Variants in FAM83E observed in about 807,000 individuals in gnomAD.
The protein encoded by FAM83E is protein FAM83E.
A neutral mutation model predicts 34.3 loss-of-function variants in FAM83E; 29 were observed. The observed-to-expected ratio is 0.85, with a 90% confidence interval of 0.63 to 1.15. The LOEUF (loss-of-function observed/expected upper bound fraction) is 1.15. FAM83E is among the 50% of genes most tolerant of loss of function. The pLI is 0.00. For missense variants in FAM83E, 697 were observed against 685.0 expected (o/e 1.02, Z -0.20); for synonymous variants, 312 against 311.6 (o/e 1.00, Z -0.01).
chr19:48,608,064 G>A (rs1973968255), intron 5 of FAM83E, among the ~76,000 whole-genome samples: 1 of 152,192 alleles, frequency 6.6e-6, no homozygotes, highest in African/African-American at 2.4e-5. Flanking sequence ...CTCAGGTCCT[G>A]TTCCAGGCAC....
At position 48,614,927 on chromosome 19, in the gene FAM83E, C is replaced by A; in HGVS notation, c.-1388+10G>T. On this transcript the variant is annotated intron_variant, in intron 1 of 6. Transcript: ENST00000263266. ...GAGGTCCGGGGGTGCGGCTCACACG[C>A]TTTCTTTACCTGTGCTCTCCCAGGG... 2.9e-6 allele frequency: 1 copy of A among 342,966 alleles called. No individual in the cohort carries two copies. Among genetic ancestry groups the A allele is most frequent in the Non-Finnish European group, 4.1e-6 (1 of 242,112 alleles). 21.2% of individuals were successfully genotyped at this position (342,966 alleles called of 1,614,324 possible). A position where few individuals can be genotyped will look rare whatever the true frequency, so the allele number is the denominator to read the frequency against.
At position 48,603,679 on chromosome 19, in the gene FAM83E, G is replaced by A; in HGVS notation, c.991C>T (p.Pro331Ser). Residue 331 changes from proline (P) to serine (S), a missense_variant, in exon 6 of 7, where the codon CCG becomes TCG. Transcript: ENST00000263266. ...APASPPPPDG[P>S]LAHRLAACRV... ...CAGGCGGCCAGGCGGTGGGCCAGCG[G>A]GCCGTCAGGCGGCGGAGGCGACGCG... The A allele has an allele frequency of 1.5e-6, 2 of 1,294,822 alleles. No homozygotes were observed. Among genetic ancestry groups the A allele is most frequent in the Non-Finnish European group, 2.0e-6 (2 of 1,018,942 alleles). The allele number at this position is 1,294,822 out of a possible 1,614,324, so 80.2% of individuals were successfully genotyped here.
Position 48,613,342 on chromosome 19 carries a change from C to T in FAM83E, c.31G>A (p.Gly11Arg). The change falls in exon 3 of 7, where the codon GGA (glycine) becomes AGA (arginine). Residue 11 changes from glycine to arginine, a missense_variant. Gly to Arg is a moderately radical substitution (Grantham distance 125). Coordinates refer to ENST00000263266, the MANE Select transcript of FAM83E (RefSeq NM_017708.4). MAASQLAALEGVDSGPRVPGA... is the reference protein window; with the variant it reads MAASQLAALERVDSGPRVPGA... The stretch of plus-strand genomic sequence containing the variant: ...GGCACCCTGGGACCGGAGTCCACTC[C>T]TTCCAGCGCCGCCAGCTGGGAGGCC... The T allele has an allele frequency of 6.3e-7, 1 of 1,577,672 alleles. No homozygotes were observed. The highest frequency in any genetic ancestry group is 2.3e-5 in the East Asian group (1 of 43,862).
At chr19:48,604,719 C>A (rs1365386680) in intron 5 of FAM83E, among the ~76,000 whole-genome samples, 1 of 142,402 alleles carries the variant, frequency 7.0e-6, no homozygotes, top group Non-Finnish European at 1.6e-5. Flanking sequence ...GTCCCCCTCG[C>A]CCCCCTCCCA....
Position 48,601,101 on chromosome 19 carries a change from G to A in FAM83E, c.*8C>T, listed in dbSNP as rs764874996. 19 of 1,603,596 alleles carry A rather than the reference G, an allele frequency of 1.2e-5. 1 individual carries two copies. The highest frequency in any genetic ancestry group is 1.7e-4 in the Middle Eastern group (1 of 6,012). ...GGGTGGGCCAGCAGATTTGGCTTGGGCTCCTGTTCAGGGTTGCCCCCCAAG... is the reference window on the plus strand; with the variant it reads ...GGGTGGGCCAGCAGATTTGGCTTGGACTCCTGTTCAGGGTTGCCCCCCAAG... On this transcript the variant is annotated 3_prime_UTR_variant, in exon 7 of 7. Transcript: ENST00000263266.
At chr19:48,603,993 AGACCGTAG>A in intron 5 of FAM83E, 82 bp from the exon 6 acceptor site, 1 of 1,436,594 alleles carries the variant, frequency 7.0e-7, no homozygotes, top group Non-Finnish European at 9.4e-7. Flanking sequence ...GTCCCAGGGG[AGACCGTAG>A]GACCTCAGGC....
chr19:48,601,679 C>A (rs753659133), intron 6 of FAM83E, among the ~76,000 whole-genome samples: 117 of 151,610 alleles, frequency 7.7e-4, no homozygotes, highest in Non-Finnish European at 1.3e-3. Context: ...GCAGGAGAAT[C>A]GCTTGAACCC....
intron 5 of FAM83E, among the ~76,000 whole-genome samples, chr19:48,604,235 A>T (rs1973886103): frequency 6.6e-6 from 1 of 151,888 alleles, no homozygotes. Flanking sequence ...TCTACAAAAA[A>T]TCAAAAAAAC....
rs1245548460 is a variant in FAM83E, at chr19:48,612,992, C to T, written c.381G>A (p.Arg127=). Residue 127 remains arginine, a synonymous_variant, in exon 3 of 7, where the codon CGG becomes CGA. Coordinates refer to ENST00000263266, the MANE Select transcript of FAM83E (RefSeq NM_017708.4). ...PVDSAWKGIT[R]AQLYTQPPGE... ...CAGGAGGCTGGGTGTACAGCTGCGCCCGGGTGATGCCTTTCCACGCAGAGT... is the reference window on the plus strand; with the variant it reads ...CAGGAGGCTGGGTGTACAGCTGCGCTCGGGTGATGCCTTTCCACGCAGAGT... 24 of 1,604,574 alleles carry T rather than the reference C, an allele frequency of 1.5e-5. No homozygotes were observed. The highest frequency in any genetic ancestry group is 2.0e-5 in the Non-Finnish European group (23 of 1,176,674).
intron 3 of FAM83E, among the ~76,000 whole-genome samples, chr19:48,611,123 T>TCA (rs34939538): frequency 0.27 from 40,602 of 151,182 alleles, 5,958 homozygotes; most frequent in East Asian, 0.49. Context: ...TAATCATAAA[T>TCA]CATGTTTGCT....
chr19:48,610,619 C>T (rs1009357012), intron 4 of FAM83E, 61 bp downstream of exon 4: 5 of 1,505,312 alleles, frequency 3.3e-6, no homozygotes, highest in Non-Finnish European at 4.5e-6. Flanking sequence ...GAAGGGTCTG[C>T]CCCCACTGCC....
At position 48,614,712 on chromosome 19, in the gene FAM83E, A is replaced by T; in HGVS notation, c.-1260T>A. On this transcript the variant is annotated 5_prime_UTR_variant, in exon 2 of 7. Coordinates refer to ENST00000263266, the MANE Select transcript of FAM83E (RefSeq NM_017708.4). The stretch of plus-strand genomic sequence containing the variant: ...CCCCCCATCGCCGGGGCTCACCCAC[A>T]CCGGCTAGTGCCGGGCTCAATGGCC... The T allele has an allele frequency of 4.1e-6, 4 of 964,594 alleles. No individual in the cohort carries two copies. The highest frequency in any genetic ancestry group is 4.9e-6 in the Non-Finnish European group (4 of 821,722). The allele number at this position is 964,594 out of a possible 1,614,324, so 59.8% of individuals were successfully genotyped here.
intron 5 of FAM83E, among the ~76,000 whole-genome samples, chr19:48,605,151 C>T (rs751572365): frequency 5.3e-5 from 8 of 152,100 alleles, no homozygotes; most frequent in East Asian, 1.9e-4. Flanking sequence ...AATTCACTTC[C>T]GGACACTAAC....
chr19:48,603,987 CA>C, intron 5 of FAM83E, 76 bp from the exon 6 acceptor site: 2 of 1,475,514 alleles, frequency 1.4e-6, no homozygotes, highest in Non-Finnish European at 1.8e-6. Flanking sequence ...AGCCAGGTCC[CA>C]GGGGAGACCG....
chr19:48,614,628 C>G lies in FAM83E; in HGVS notation c.-1255-1G>C, dbSNP rs895435576. The G allele has an allele frequency of 2.0e-6, 2 of 986,164 alleles. No individual in the cohort carries two copies. Among genetic ancestry groups the G allele is most frequent in the African/African-American group, 3.5e-5 (2 of 57,282 alleles). The allele number at this position is 986,164 out of a possible 1,614,324, so 61.1% of individuals were successfully genotyped here. ...GCTTCCTCCAGACCACAGCAGGGAG[C>G]TGCAAAGAGAAGAAAGGAGTCAAGG... On this transcript the variant is annotated splice_acceptor_variant, in intron 2 of 6. Transcript: ENST00000263266. LOFTEE classifies it low-confidence loss of function (5UTR_SPLICE).
Position 48,603,861 on chromosome 19 carries a change from G to A in FAM83E, c.809C>T (p.Thr270Ile). 1 of 1,608,982 alleles carries A rather than the reference G, an allele frequency of 6.2e-7. No homozygotes were observed. Among genetic ancestry groups the A allele is most frequent in the South Asian group, 1.1e-5 (1 of 90,306 alleles). Reference protein sequence around the residue: ...RLHRGLVTLLTGEIVDAFSLE... With the variant: ...RLHRGLVTLLIGEIVDAFSLE... ...GCTGAAGGCGTCAACAATTTCACCA[G>A]TCAGCAGGGTCACCAGGCCTCGGTG... Residue 270 changes from threonine to isoleucine, a missense_variant, in exon 6 of 7, where the codon ACT becomes ATT. Physicochemically the swap from Thr to Ile is moderately conservative, Grantham distance 89 (BLOSUM62 -1). Transcript: ENST00000263266.
At chr19:48,609,744 G>A (rs950719968) in intron 5 of FAM83E, 132 bp downstream of exon 5, 2 of 1,021,510 alleles carry the variant, frequency 2.0e-6, no homozygotes, top group Non-Finnish European at 2.9e-6. Context: ...CCGCAGGGAA[G>A]AGTGTTTTGC....
chr19:48,609,736 G>T (rs35021560), intron 5 of FAM83E, 140 bp downstream of exon 5: 2 of 970,096 alleles, frequency 2.1e-6, no homozygotes, highest in Non-Finnish European at 3.1e-6. Flanking sequence ...AACCTCCTCC[G>T]CAGGGAAGAG....
chr19:48,607,205 C>T (rs1601127126), intron 5 of FAM83E: 1 of 1,613,316 alleles, frequency 6.2e-7, no homozygotes, highest in Non-Finnish European at 8.5e-7. Flanking sequence ...CTTGAGGAAC[C>T]CGTCAGCTAC....
Sources: allele counts gnomAD v4.1 joint callset (sites outside exome capture counted in the v4.1 genomes callset), GRCh38; gene constraint gnomAD v4.1.1; transcripts MANE v1.5; gene names NCBI Gene and HGNC (gene_info 2026-07-23, HGNC 2026-07-21).